The following SLC2A12 variants were observed in gnomAD, a reference collection of about 807,000 sequenced individuals.
The protein encoded by SLC2A12 is solute carrier family 2, facilitated glucose transporter member 12.
In SLC2A12, 23 loss-of-function variants were observed where a neutral mutation model predicts 41.8. That is an observed-to-expected ratio of 0.55 (90% CI 0.40 to 0.78). The LOEUF (loss-of-function observed/expected upper bound fraction) is 0.78, where lower values mean the gene tolerates loss of function less well. SLC2A12 is among the 30% of genes least tolerant of loss of function. The pLI, the probability that SLC2A12 is intolerant of heterozygous loss-of-function variation, is 0.00. For synonymous variants in SLC2A12, 295 were observed against 285.9 expected (o/e 1.03, Z -0.32); for missense variants, 654 against 745.6 (o/e 0.88, Z 1.43).
chr6:134,012,704 A>T (rs996193780), intron 2 of SLC2A12, among the ~76,000 whole-genome samples: 1 of 152,134 alleles, frequency 6.6e-6, no homozygotes, highest in Admixed American at 6.5e-5. Flanking sequence ...GCAGTGGCCC[A>T]CTCCTACAAT....
At position 133,987,855 on chromosome 6, in the gene SLC2A12, G is replaced by A. The variant is rs1054449929; in HGVS notation, c.*3300C>T. ...TAGAAAATGTTAAATAACTTGTAAA[G>A]GTTAAGAAATTGTAGTTTTAAGAAG... is the stretch of plus-strand genomic sequence containing the variant. On this transcript the variant is annotated 3_prime_UTR_variant, in exon 5 of 5. Transcript: ENST00000275230. 4 of 152,358 alleles carry A rather than the reference G, an allele frequency of 2.6e-5. No homozygotes were observed. Among genetic ancestry groups the A allele is most frequent in the Non-Finnish European group, 5.9e-5 (4 of 67,972 alleles). The allele number at this position is 152,358 out of a possible 1,614,324, so 9.4% of individuals were successfully genotyped here. A position where few individuals can be genotyped will look rare whatever the true frequency, so the allele number is the denominator to read the frequency against.
intron 1 of SLC2A12, among the ~76,000 whole-genome samples, chr6:134,033,245 T>A (rs1777246867): frequency 1.3e-5 from 2 of 152,116 alleles, no homozygotes; most frequent in African/African-American, 4.8e-5. Context: ...TCTGATGATA[T>A]CTTTATTACC....
At chr6:134,032,260 A>G (rs1777218330) in intron 1 of SLC2A12, among the ~76,000 whole-genome samples, 1 of 151,812 alleles carries the variant, frequency 6.6e-6, no homozygotes, top group African/African-American at 2.4e-5. Context: ...TAAAGGTGCA[A>G]TAATCCACAA....
At chr6:134,017,953 A>T (rs1263150339) in intron 2 of SLC2A12, among the ~76,000 whole-genome samples, 1 of 151,934 alleles carries the variant, frequency 6.6e-6, no homozygotes, top group African/African-American at 2.4e-5. Context: ...ATTCTCTGTA[A>T]AACCTGTCTG....
chr6:134,010,808 G>A (rs1438152523), intron 2 of SLC2A12, among the ~76,000 whole-genome samples: 1 of 152,196 alleles, frequency 6.6e-6, no homozygotes, highest in East Asian at 1.9e-4. Context: ...GTCTCCGGTT[G>A]AGGACATGGA....
At chr6:134,025,331 C>T (rs1777099545) in intron 2 of SLC2A12, among the ~76,000 whole-genome samples, 1 of 152,314 alleles carries the variant, frequency 6.6e-6, no homozygotes, top group South Asian at 2.1e-4. Flanking sequence ...TTCTCTGAGA[C>T]TCAGTATCTT....
In SLC2A12 at chr6:133,989,267, A is replaced by G. The variant is rs112114073; in HGVS notation, c.*1888T>C. On this transcript the variant is annotated 3_prime_UTR_variant, in exon 5 of 5. Coordinates refer to ENST00000275230, the MANE Select transcript of SLC2A12 (RefSeq NM_145176.3). ...TCCCCCTTTTTATTTTTGAAAATCAAGAAGCTTGATTTGGTGTGGTGCAAT... is the reference window on the plus strand; with the variant it reads ...TCCCCCTTTTTATTTTTGAAAATCAGGAAGCTTGATTTGGTGTGGTGCAAT... 6.6e-6 allele frequency: 1 copy of G among 152,164 alleles called. No individual in the cohort carries two copies. The highest frequency in any genetic ancestry group is 6.6e-5 in the Admixed American group (1 of 15,256). The allele number at this position is 152,164 out of a possible 1,614,324, so 9.4% of individuals were successfully genotyped here. A position where few individuals can be genotyped will look rare whatever the true frequency, so the allele number is the denominator to read the frequency against.
Position 133,990,504 on chromosome 6 carries a change from A to G in SLC2A12, c.*651T>C, listed in dbSNP as rs1171474870. ...TTCTCAACTATTGTGGAATTATTTT[A>G]ATATTTCACAATATTAACATGAAAT... On this transcript the variant is annotated 3_prime_UTR_variant, in exon 5 of 5. Transcript: ENST00000275230. 6.6e-6 allele frequency: 1 copy of G among 152,618 alleles called. No homozygotes were observed. Among genetic ancestry groups the G allele is most frequent in the African/African-American group, 2.4e-5 (1 of 41,468 alleles). The allele number at this position is 152,618 out of a possible 1,614,324, so 9.5% of individuals were successfully genotyped here.
At chr6:134,006,962 G>A in intron 2 of SLC2A12, 28 bp from the exon 3 acceptor site, 1 of 1,613,190 alleles carries the variant, frequency 6.2e-7, no homozygotes, top group South Asian at 1.1e-5. Flanking sequence ...GTGGGTGGCG[G>A]ACAGCACATT....
At chr6:134,052,207 C>T (rs1463294981) in intron 1 of SLC2A12, among the ~76,000 whole-genome samples, 171 bp downstream of exon 1, 1 of 150,930 alleles carries the variant, frequency 6.6e-6, no homozygotes. Context: ...ACCCTGTCCC[C>T]TTCTCTCCAC....
At chr6:134,037,144 ATTTTTTTT>A (rs533155835) in intron 1 of SLC2A12, among the ~76,000 whole-genome samples, 11 of 83,312 alleles carry the variant, frequency 1.3e-4, no homozygotes, top group Non-Finnish European at 1.7e-4. Flanking sequence ...ACTCGATTCA[ATTTTTTTT>A]TTTTTTTTTT....
chr6:134,010,429 T>C (rs1347909290), intron 2 of SLC2A12, among the ~76,000 whole-genome samples: 1 of 152,148 alleles, frequency 6.6e-6, no homozygotes, highest in Non-Finnish European at 1.5e-5. Context: ...CAGTGAACTC[T>C]TCTACAGTGA....
rs1384222071 is a variant in SLC2A12 at position 133,988,041 on chromosome 6, G to C, written c.*3114C>G. 6.6e-6 allele frequency: 1 copy of C among 152,118 alleles called. No individual in the cohort carries two copies. The highest frequency in any genetic ancestry group is 6.6e-5 in the Admixed American group (1 of 15,266). The allele number at this position is 152,118 out of a possible 1,614,324, so 9.4% of individuals were successfully genotyped here. On this transcript the variant is annotated 3_prime_UTR_variant, in exon 5 of 5. Coordinates refer to ENST00000275230, the MANE Select transcript of SLC2A12 (RefSeq NM_145176.3). The stretch of plus-strand genomic sequence containing the variant: ...GGGTTGATGCCCAAGCCTATACTAA[G>C]AGTCTTGTCAGAAGTTGGTAACATG...
At chr6:134,010,001 G>T (rs771351839) in intron 2 of SLC2A12, among the ~76,000 whole-genome samples, 1 of 152,196 alleles carries the variant, frequency 6.6e-6, no homozygotes, top group Non-Finnish European at 1.5e-5. Flanking sequence ...GGCTGACCTA[G>T]AAGCAAGACA....
At chr6:134,021,644 G>C (rs1396812569) in intron 2 of SLC2A12, among the ~76,000 whole-genome samples, 1 of 152,154 alleles carries the variant, frequency 6.6e-6, no homozygotes, top group East Asian at 1.9e-4. Context: ...ATTAGAAATA[G>C]CTCAGAGAAG....
intron 2 of SLC2A12, among the ~76,000 whole-genome samples, chr6:134,018,276 C>T (rs1455051679): frequency 6.6e-6 from 1 of 152,180 alleles, no homozygotes; most frequent in East Asian, 1.9e-4. Context: ...ATGCACTGAA[C>T]TAGGGGCACT....
In SLC2A12 at chr6:133,988,887, T is replaced by C. The variant is rs1394061943; in HGVS notation, c.*2268A>G. The C allele has an allele frequency of 6.6e-6, 1 of 152,200 alleles. No homozygotes were observed. The highest frequency in any genetic ancestry group is 1.5e-5 in the Non-Finnish European group (1 of 68,028). The allele number at this position is 152,200 out of a possible 1,614,324, so 9.4% of individuals were successfully genotyped here. On this transcript the variant is annotated 3_prime_UTR_variant, in exon 5 of 5. Coordinates refer to ENST00000275230, the MANE Select transcript of SLC2A12 (RefSeq NM_145176.3). ...TTAACAGTAATAAGTCACCTCCTGT[T>C]TTTCAATGTTCACCAAAAAAAGAAA...
rs1172321616 is a variant in SLC2A12 at position 134,052,541 on chromosome 6, C to A, written c.-61G>T. ...AAACCGCCCCGACCACCCCCGCTCCCAGGAGTGGTCACTTTCCCCATAATA... is the reference window on the plus strand; with the variant it reads ...AAACCGCCCCGACCACCCCCGCTCCAAGGAGTGGTCACTTTCCCCATAATA... On this transcript the variant is annotated 5_prime_UTR_variant, in exon 1 of 5. Transcript: ENST00000275230. The A allele has an allele frequency of 3.0e-6, 4 of 1,314,712 alleles. No homozygotes were observed. The highest frequency in any genetic ancestry group is 4.3e-6 in the Non-Finnish European group (4 of 919,982). The allele number at this position is 1,314,712 out of a possible 1,614,324, so 81.4% of individuals were successfully genotyped here.
intron 2 of SLC2A12, among the ~76,000 whole-genome samples, chr6:134,009,524 T>C (rs1776852992): frequency 6.6e-6 from 1 of 152,102 alleles, no homozygotes; most frequent in Non-Finnish European, 1.5e-5. Flanking sequence ...AACCTCCCAA[T>C]GTGGAGCCTG....
Sources: gnomAD v4.1 joint callset for allele counts (sites outside exome capture counted in the v4.1 genomes callset) on GRCh38, gnomAD v4.1.1 for gene constraint, MANE v1.5 for transcripts, NCBI Gene and HGNC (gene_info 2026-07-23, HGNC 2026-07-21) for gene names.